The following TMEM164 variants were observed in gnomAD, a reference collection of about 807,000 sequenced individuals.
The protein encoded by TMEM164 is RP13-360B22.2.
TMEM164 carries 4 observed loss-of-function variants against 18.8 expected under a neutral mutation model. That is an observed-to-expected ratio of 0.21 (90% CI 0.10 to 0.49). The LOEUF (loss-of-function observed/expected upper bound fraction) is 0.49. Among genes scored for constraint, TMEM164 ranks in the 20% least tolerant of loss-of-function variants. TMEM164 has a pLI of 0.98. For missense variants in TMEM164, 108 were observed against 239.9 expected (o/e 0.45, Z 3.63); for synonymous variants, 86 against 101.7 (o/e 0.85, Z 0.93).
chrX:110,035,646 G>A (rs1453163829), intron 2 of TMEM164, among the ~76,000 whole-genome samples: 1 of 110,657 alleles, frequency 9.0e-6, no homozygotes, highest in African/African-American at 3.3e-5. Context: ...TGGGACTACA[G>A]GCTACCATCA....
chrX:110,065,016 A>AAAAAAAAAT (rs1936277843), intron 2 of TMEM164: 1 of 97,525 alleles, frequency 1.0e-5, no homozygotes, highest in African/African-American at 3.5e-5. Flanking sequence ...AAAAAAAAAA[A>AAAAAAAAAT]AAAGATACCT....
At chrX:110,017,157 G>A (rs1287095787) in intron 2 of TMEM164, among the ~76,000 whole-genome samples, 2 of 111,969 alleles carry the variant, frequency 1.8e-5, no homozygotes, top group African/African-American at 6.5e-5. Context: ...CTGAGACCCA[G>A]AGAGGTGAAG....
intron 5 of TMEM164, among the ~76,000 whole-genome samples, chrX:110,159,982 T>C (rs1352174441): frequency 9.0e-6 from 1 of 110,782 alleles, no homozygotes; most frequent in East Asian, 2.8e-4. Context: ...TTCCAGAGGT[T>C]CTAGTGGGAT....
At chrX:110,120,617 C>T (rs1251940834) in intron 4 of TMEM164, among the ~76,000 whole-genome samples, 1 of 111,723 alleles carries the variant, frequency 9.0e-6, no homozygotes, top group African/African-American at 3.3e-5. Flanking sequence ...CATTCAAATC[C>T]TCTCTTCTAG....
At chrX:110,091,248 G>C (rs1236460260) in intron 3 of TMEM164, among the ~76,000 whole-genome samples, 1 of 112,449 alleles carries the variant, frequency 8.9e-6, no homozygotes, top group Non-Finnish European at 1.9e-5. Flanking sequence ...GGCTCAAATG[G>C]TATTTCTAGT....
In TMEM164 at chrX:110,015,861, C is replaced by T. The variant is rs752428454; in HGVS notation, c.390+11697C>T. Reference sequence around the variant, plus strand: ...TCAAGTTCACCTTTCCTCAGAATAGCCCTGCAAGCTAGCACCAAGCCAAGG... The same window carrying T: ...TCAAGTTCACCTTTCCTCAGAATAGTCCTGCAAGCTAGCACCAAGCCAAGG... On this transcript the variant is annotated intron_variant, in intron 2 of 6. Coordinates refer to ENST00000372068, the MANE Select transcript of TMEM164 (RefSeq NM_032227.4). 2.0e-4 allele frequency among the ~76,000 whole-genome samples: 22 copies of T among 112,547 alleles called. No individual in the cohort carries two copies. The South Asian group carries it at 7.7e-3, about 39-fold the overall frequency.
intron 3 of TMEM164, among the ~76,000 whole-genome samples, chrX:110,084,100 T>G (rs1456512017): frequency 4.5e-5 from 5 of 110,019 alleles, no homozygotes; most frequent in Non-Finnish European, 9.4e-5. Context: ...TAGAAATGTT[T>G]CTAATGGTTC....
intron 2 of TMEM164, among the ~76,000 whole-genome samples, chrX:110,057,482 T>C (rs907994671): frequency 9.9e-5 from 11 of 110,904 alleles, no homozygotes; most frequent in African/African-American, 3.6e-4. Context: ...GATATCCCTT[T>C]GAGATCTTGA....
intron 2 of TMEM164, among the ~76,000 whole-genome samples, chrX:110,044,433 TTTG>T (rs770506995): frequency 1.9e-4 from 21 of 109,210 alleles, no homozygotes; most frequent in African/African-American, 6.0e-4. Context: ...AGGTTTTTTT[TTTG>T]TTGTTGTTGT....
intron 2 of TMEM164, among the ~76,000 whole-genome samples, chrX:110,061,063 G>C (rs968426865): frequency 4.5e-5 from 5 of 112,293 alleles, no homozygotes; most frequent in African/African-American, 1.6e-4. Context: ...TAATATGTCA[G>C]AATGTTGTTA....
At chrX:110,073,098 C>T (rs767543999) in intron 3 of TMEM164, among the ~76,000 whole-genome samples, 6 of 111,419 alleles carry the variant, frequency 5.4e-5, no homozygotes, top group African/African-American at 1.6e-4. Context: ...GTGTTGAGAA[C>T]GTGGCTCACT....
intron 4 of TMEM164, 142 bp from the exon 5 acceptor site, chrX:110,144,656 G>T: frequency 2.8e-6 from 1 of 363,255 alleles, no homozygotes; most frequent in Non-Finnish European, 4.9e-6. Context: ...TTTTTTTCCT[G>T]CAATTGTAAA....
chrX:110,022,783 G>C (rs1298907354), intron 2 of TMEM164, among the ~76,000 whole-genome samples: 1 of 112,210 alleles, frequency 8.9e-6, no homozygotes, highest in East Asian at 2.8e-4. Flanking sequence ...TATTATCAAG[G>C]CTCATTAACA....
intron 2 of TMEM164, among the ~76,000 whole-genome samples, chrX:110,039,993 A>T (rs1935020139): frequency 9.0e-6 from 1 of 111,344 alleles, no homozygotes; most frequent in Non-Finnish European, 1.9e-5. Flanking sequence ...TTCCATGTCT[A>T]CTGCCCTAAT....
At chrX:110,067,470 C>A (rs1288957436) in intron 3 of TMEM164, 74 bp downstream of exon 3, 2 of 996,455 alleles carry the variant, frequency 2.0e-6, no homozygotes, top group Non-Finnish European at 1.4e-6. Flanking sequence ...ACTGATAACA[C>A]ATTGCTGTGA....
At chrX:110,012,431 C>T (rs1047665822) in intron 2 of TMEM164, among the ~76,000 whole-genome samples, 4 of 112,009 alleles carry the variant, frequency 3.6e-5, no homozygotes, top group Admixed American at 9.4e-5. Context: ...CTCCACTGGG[C>T]GTCAGGGAGA....
intron 3 of TMEM164, among the ~76,000 whole-genome samples, chrX:110,095,523 G>C (rs1012987022): frequency 2.0e-4 from 22 of 111,790 alleles, no homozygotes; most frequent in African/African-American, 7.2e-4. Context: ...ATGGTTTTCA[G>C]CTCCATCAGG....
chrX:110,038,182 G>A (rs980127074), intron 2 of TMEM164, among the ~76,000 whole-genome samples: 28 of 109,741 alleles, frequency 2.6e-4, no homozygotes, highest in African/African-American at 9.4e-4. Flanking sequence ...AGTAGAGAAC[G>A]GGGTTTCACC....
rs140342238 is a variant in TMEM164 at position 110,027,106 on chromosome X, T to C, written c.390+22942T>C. Among the ~76,000 whole-genome samples the C allele has an allele frequency of 9.0e-3, 999 of 111,547 alleles. 18 individuals carry two copies. Among genetic ancestry groups the C allele is most frequent in the African/African-American group, 0.031 (942 of 30,658 alleles). On this transcript the variant is annotated intron_variant, in intron 2 of 6. Coordinates refer to ENST00000372068, the MANE Select transcript of TMEM164 (RefSeq NM_032227.4). The stretch of plus-strand genomic sequence containing the variant: ...AAGTGACAATGTTGAGCAACTCTTA[T>C]CTTGTTTTCTGCCTTAAAGGATATG...
Sources: allele counts gnomAD v4.1 joint callset (sites outside exome capture counted in the v4.1 genomes callset), GRCh38; gene constraint gnomAD v4.1.1; transcripts MANE v1.5; gene names NCBI Gene and HGNC (gene_info 2026-07-23, HGNC 2026-07-21).